The following DPP10 variants were observed in gnomAD, a reference collection of about 807,000 sequenced individuals.
The protein encoded by DPP10 is inactive dipeptidyl peptidase 10.
DPP10 carries 33 observed loss-of-function variants against 120.9 expected under a neutral mutation model. The ratio of observed to expected loss-of-function variants is 0.27; its 90% confidence interval spans 0.21 to 0.37. The LOEUF is 0.37. Among genes scored for constraint, DPP10 ranks in the 10% least tolerant of loss-of-function variants. The pLI, the probability that DPP10 is intolerant of heterozygous loss-of-function variation, is 1.00. For missense variants in DPP10, 816 were observed against 942.8 expected (o/e 0.87, Z 1.76); for synonymous variants, 337 against 326.1 (o/e 1.03, Z -0.36).
intron 5 of DPP10, among the ~76,000 whole-genome samples, chr2:115,552,962 A>G (rs2079967360): frequency 6.6e-6 from 1 of 152,106 alleles, no homozygotes; most frequent in African/African-American, 2.4e-5. Context: ...CTTAAGTTTG[A>G]AACTAGGTTT....
intron 1 of DPP10, among the ~76,000 whole-genome samples, chr2:114,464,303 A>G (rs1013923585): frequency 6.6e-6 from 1 of 152,174 alleles, no homozygotes; most frequent in Non-Finnish European, 1.5e-5. Flanking sequence ...ATAGGCACGT[A>G]ATGGTATCTT....
At chr2:115,489,796 A>T (rs1366878020) in intron 3 of DPP10, among the ~76,000 whole-genome samples, 1 of 152,070 alleles carries the variant, frequency 6.6e-6, no homozygotes, top group South Asian at 2.1e-4. Context: ...ATCTCTATTA[A>T]TGTAACCAGA....
chr2:115,725,017 C>T (rs986317685), intron 7 of DPP10, among the ~76,000 whole-genome samples: 5 of 152,316 alleles, frequency 3.3e-5, no homozygotes, highest in Admixed American at 6.5e-5. Context: ...CAGGCCTCAT[C>T]TCCAACACTA....
At chr2:114,650,984 A>T (rs1696539897) in intron 1 of DPP10, among the ~76,000 whole-genome samples, 1 of 152,124 alleles carries the variant, frequency 6.6e-6, no homozygotes, top group Admixed American at 6.5e-5. Flanking sequence ...TTTTCTTAGA[A>T]ATACTTAGGG....
intron 1 of DPP10, among the ~76,000 whole-genome samples, chr2:115,122,889 G>A (rs953112258): frequency 2.0e-5 from 3 of 152,174 alleles, no homozygotes; most frequent in Non-Finnish European, 4.4e-5. Flanking sequence ...TCATCAGGGG[G>A]AGCTGTGAGA....
intron 1 of DPP10, among the ~76,000 whole-genome samples, chr2:114,616,504 T>A (rs879936104): frequency 2.6e-5 from 4 of 152,046 alleles, no homozygotes; most frequent in Non-Finnish European, 5.9e-5. Flanking sequence ...AAGCCTGGAT[T>A]CCAGTCTAAC....
chr2:115,005,983 C>G (rs1701811086), intron 1 of DPP10, among the ~76,000 whole-genome samples: 1 of 152,082 alleles, frequency 6.6e-6, no homozygotes, highest in African/African-American at 2.4e-5. Context: ...TCGGGTTACC[C>G]TCAAAGGGAA....
chr2:114,950,354 G>A (rs1249953819), intron 1 of DPP10, among the ~76,000 whole-genome samples: 4 of 147,562 alleles, frequency 2.7e-5, no homozygotes, highest in Non-Finnish European at 5.9e-5. Flanking sequence ...GAGTGCAGTG[G>A]CGCGATCTTG....
chr2:115,133,639 A>G (rs1357103779), intron 1 of DPP10, among the ~76,000 whole-genome samples: 2 of 152,156 alleles, frequency 1.3e-5, no homozygotes, highest in East Asian at 3.9e-4. Flanking sequence ...TGAGCTGCTC[A>G]TGGAAACGCA....
At chr2:114,613,961 C>T (rs1693479070) in intron 1 of DPP10, among the ~76,000 whole-genome samples, 1 of 151,962 alleles carries the variant, frequency 6.6e-6, no homozygotes, top group Non-Finnish European at 1.5e-5. Context: ...TACACCAGGG[C>T]CTGTCGGGGG....
At position 114,915,608 on chromosome 2, in the gene DPP10, TA is replaced by T. The variant is rs576083106; in HGVS notation, c.61-393626del. Among the ~76,000 whole-genome samples the T allele has an allele frequency of 2.9e-3, 439 of 152,240 alleles. 1 individual carries two copies. Among genetic ancestry groups the T allele is most frequent in the African/African-American group, 0.01 (428 of 41,560 alleles). On this transcript the variant is annotated intron_variant, in intron 1 of 25. Coordinates refer to ENST00000410059, the MANE Select transcript of DPP10 (RefSeq NM_020868.6). ...TATGCTTGGCTATAAAGGAATTATC[TA>T]AAAATTCAAAAAATGGAAATCATAC...
At chr2:115,621,967 C>T (rs950718586) in intron 5 of DPP10, among the ~76,000 whole-genome samples, 3 of 152,178 alleles carry the variant, frequency 2.0e-5, no homozygotes, top group African/African-American at 7.2e-5. Flanking sequence ...CATGAGCCAC[C>T]ACGCCCAGCC....
chr2:115,123,708 C>A (rs1233931388), intron 1 of DPP10, among the ~76,000 whole-genome samples: 1 of 152,076 alleles, frequency 6.6e-6, no homozygotes, highest in East Asian at 1.9e-4. Flanking sequence ...AATCACCTGA[C>A]CATCACCTGA....
At chr2:114,907,956 G>A (rs1407539511) in intron 1 of DPP10, among the ~76,000 whole-genome samples, 1 of 151,568 alleles carries the variant, frequency 6.6e-6, no homozygotes, top group Non-Finnish European at 1.5e-5. Flanking sequence ...TATTTTGTCA[G>A]TTTTTTTAAA....
intron 1 of DPP10, among the ~76,000 whole-genome samples, chr2:114,749,871 T>C (rs181126329): frequency 6.6e-6 from 1 of 152,158 alleles, no homozygotes; most frequent in East Asian, 1.9e-4. Flanking sequence ...TTGTCCTAGA[T>C]CCTCCACATA....
At chr2:115,068,507 C>T (rs1707110804) in intron 1 of DPP10, among the ~76,000 whole-genome samples, 1 of 152,104 alleles carries the variant, frequency 6.6e-6, no homozygotes, top group African/African-American at 2.4e-5. Flanking sequence ...AACAATTTCT[C>T]CCATGTAGGT....
rs796596832 is a variant in DPP10, at chr2:114,450,676, G to A, written c.60+7838G>A. ...GAAGGAAATAACAAGGTTCCTCAGG[G>A]ATTGTGAGAACAATGTGCTATTTCT... On this transcript the variant is annotated intron_variant, in intron 1 of 25. Transcript: ENST00000410059. 1.1e-4 allele frequency among the ~76,000 whole-genome samples: 16 copies of A among 151,746 alleles called. No individual in the cohort carries two copies. The South Asian group carries it at 2.9e-3, about 28-fold the overall frequency.
At chr2:115,388,328 C>T (rs1425237067) in intron 3 of DPP10, among the ~76,000 whole-genome samples, 3 of 152,170 alleles carry the variant, frequency 2.0e-5, no homozygotes, top group Non-Finnish European at 2.9e-5. Flanking sequence ...TTATTCTACG[C>T]GTGCTGAGAA....
intron 3 of DPP10, among the ~76,000 whole-genome samples, chr2:115,481,508 C>G (rs142975558): frequency 2.6e-4 from 39 of 152,192 alleles, no homozygotes; most frequent in South Asian, 8.3e-4. Flanking sequence ...GTTTTAGTTG[C>G]TGATTCTTCA....
Sources: allele counts gnomAD v4.1 joint callset (sites outside exome capture counted in the v4.1 genomes callset), GRCh38; gene constraint gnomAD v4.1.1; transcripts MANE v1.5; gene names NCBI Gene and HGNC (gene_info 2026-07-23, HGNC 2026-07-21).